The following PCDHA2 variants were observed in gnomAD, a reference collection of about 807,000 sequenced individuals.
PCDHA2 encodes the protein protocadherin alpha 2.
In PCDHA2, 58 loss-of-function variants were observed where a neutral mutation model predicts 66.0. That is an observed-to-expected ratio of 0.88 (90% CI 0.71 to 1.09). PCDHA2 has a LOEUF of 1.09. Ranked by LOEUF, PCDHA2 falls within the 50% of genes least tolerant of loss-of-function variation. The pLI is 0.00. For synonymous variants in PCDHA2, 634 were observed against 554.0 expected, an observed-to-expected ratio of 1.14 and a Z score of -2.03; for missense variants, 1,267 against 1,242.3, an observed-to-expected ratio of 1.02 and a Z score of -0.30.
At chr5:140,809,324 C>T (rs1554125144) in intron 1 of PCDHA2, 1 of 1,614,106 alleles carries the variant, frequency 6.2e-7, no homozygotes, top group South Asian at 1.1e-5. Context: ...CCTTTTGGTG[C>T]TCACGCTGCT....
intron 1 of PCDHA2, chr5:140,877,135 G>A (rs1554169356): frequency 2.5e-6 from 4 of 1,613,790 alleles, no homozygotes; most frequent in Non-Finnish European, 3.4e-6. Flanking sequence ...GCAGGTGTTC[G>A]TGCTGGACGA....
chr5:141,009,019 C>G (rs1160022658), intron 3 of PCDHA2, among the ~76,000 whole-genome samples: 2 of 152,232 alleles, frequency 1.3e-5, no homozygotes, highest in African/African-American at 4.8e-5. Flanking sequence ...CCTTTAGGCT[C>G]TGTATTTCCC....
chr5:140,882,174 C>T (rs868925922), intron 1 of PCDHA2: 1 of 1,514,752 alleles, frequency 6.6e-7, no homozygotes. Context: ...CGAATCCTTC[C>T]GCACTAGGAA....
In PCDHA2 at chr5:140,902,128, A is replaced by G. The variant is rs140093707; in HGVS notation, c.2389-76821A>G. 5.8e-3 allele frequency among the ~76,000 whole-genome samples: 872 copies of G among 150,980 alleles called. 10 individuals carry two copies. The highest frequency in any genetic ancestry group is 0.019 in the African/African-American group (793 of 41,220). ...ATTTTTTTAAAACTGAGATTATATCATCTGCAAACAAGGATAATTTGATTT... is the reference window on the plus strand; with the variant it reads ...ATTTTTTTAAAACTGAGATTATATCGTCTGCAAACAAGGATAATTTGATTT... On this transcript the variant is annotated intron_variant, in intron 1 of 3. Coordinates refer to ENST00000526136, the MANE Select transcript of PCDHA2 (RefSeq NM_018905.3).
chr5:140,826,555 T>C (rs2150080070), intron 1 of PCDHA2, among the ~76,000 whole-genome samples: 1 of 152,270 alleles, frequency 6.6e-6, no homozygotes, highest in East Asian at 1.9e-4. Context: ...TTTTTCTCCT[T>C]TGAAGGAGGG....
At chr5:140,962,790 C>T (rs899867239) in intron 1 of PCDHA2, among the ~76,000 whole-genome samples, 28 of 152,286 alleles carry the variant, frequency 1.8e-4, no homozygotes, top group African/African-American at 6.0e-4. Flanking sequence ...TTAAAAACTA[C>T]TTTGGACAAC....
At chr5:140,863,034 A>G (rs782534693) in intron 1 of PCDHA2, 1 of 557,696 alleles carries the variant, frequency 1.8e-6, no homozygotes, top group African/African-American at 1.9e-5. Context: ...CAACAGCTGC[A>G]TCTGTCAGCT....
chr5:140,839,718 T>C (rs182752192), intron 1 of PCDHA2, among the ~76,000 whole-genome samples: 1 of 152,078 alleles, frequency 6.6e-6, no homozygotes, highest in African/African-American at 2.4e-5. Flanking sequence ...CAAATTTAAA[T>C]CATTTCACAG....
intron 1 of PCDHA2, chr5:140,801,796 T>C (rs1762786887): frequency 6.2e-7 from 1 of 1,613,870 alleles, no homozygotes; most frequent in Non-Finnish European, 8.5e-7. Context: ...AAAAAAAATT[T>C]AAATCGAGAG....
intron 1 of PCDHA2, chr5:140,808,967 G>A (rs1554124926): frequency 6.2e-7 from 1 of 1,613,656 alleles, no homozygotes; most frequent in Non-Finnish European, 8.5e-7. Flanking sequence ...GGTGGCAAAG[G>A]TGCGCGCGGT....
At chr5:140,801,317 G>A in intron 1 of PCDHA2, 3 of 1,613,362 alleles carry the variant, frequency 1.9e-6, no homozygotes, top group South Asian at 1.1e-5. Context: ...AGGAGGCCAA[G>A]CATGGCACCT....
At chr5:140,844,980 T>A (rs1294725594) in intron 1 of PCDHA2, among the ~76,000 whole-genome samples, 1 of 149,336 alleles carries the variant, frequency 6.7e-6, no homozygotes, top group African/African-American at 2.5e-5. Flanking sequence ...AGTATTGTTT[T>A]AAATCTTTTA....
intron 1 of PCDHA2, chr5:140,871,028 C>T (rs782198197): frequency 1.2e-5 from 20 of 1,613,116 alleles, no homozygotes; most frequent in Admixed American, 1.7e-5. Context: ...GCAGACTCGC[C>T]GCGCCACCGA....
At chr5:140,825,409 T>A (rs1768556836) in intron 1 of PCDHA2, 1 of 146,468 alleles carries the variant, frequency 6.8e-6, no homozygotes, top group African/African-American at 2.5e-5. Context: ...ATTATATATT[T>A]TATATAATAT....
intron 1 of PCDHA2, chr5:140,967,421 C>T (rs2096138629): frequency 6.2e-7 from 1 of 1,613,120 alleles, no homozygotes; most frequent in Non-Finnish European, 8.5e-7. Context: ...AGACCGGGAG[C>T]AGGCAGCCTT....
intron 1 of PCDHA2, among the ~76,000 whole-genome samples, chr5:140,953,275 C>G (rs1290645865): frequency 6.6e-6 from 1 of 152,074 alleles, no homozygotes; most frequent in African/African-American, 2.4e-5. Context: ...AGCCTTTGCT[C>G]TTTATATGTG....
intron 1 of PCDHA2, chr5:140,813,284 A>T (rs1332732538): frequency 6.6e-6 from 1 of 152,192 alleles, no homozygotes; most frequent in South Asian, 2.1e-4. Context: ...TGAGAATTGT[A>T]TCATTCTGAG....
chr5:140,843,940 T>C (rs1562418437), intron 1 of PCDHA2: 1 of 573,848 alleles, frequency 1.7e-6, no homozygotes, highest in South Asian at 2.4e-5. Flanking sequence ...TATGGTTGGA[T>C]GATATCCATT....
intron 1 of PCDHA2, among the ~76,000 whole-genome samples, chr5:140,947,885 A>G (rs2094188913): frequency 6.6e-6 from 1 of 151,584 alleles, no homozygotes; most frequent in Non-Finnish European, 1.5e-5. Context: ...AGGACAATAT[A>G]AACAGAAGTG....
Sources: gnomAD v4.1 joint callset for allele counts (sites outside exome capture counted in the v4.1 genomes callset) on GRCh38, gnomAD v4.1.1 for gene constraint, MANE v1.5 for transcripts, NCBI Gene and HGNC (gene_info 2026-07-23, HGNC 2026-07-21) for gene names.